The following FXR1 variants were observed in gnomAD, a reference collection of about 807,000 sequenced individuals.
FXR1 encodes the protein RNA-binding protein FXR1.
In FXR1, 15 loss-of-function variants were observed where a neutral mutation model predicts 84.0. That is an observed-to-expected ratio of 0.18 (90% CI 0.12 to 0.27). FXR1 has a LOEUF of 0.27. FXR1 is among the 10% of genes least tolerant of loss of function. FXR1 has a pLI of 1.00. For synonymous variants in FXR1, 245 were observed against 250.7 expected, an observed-to-expected ratio of 0.98 and a Z score of 0.21; for missense variants, 480 against 774.4, an observed-to-expected ratio of 0.62 and a Z score of 4.51.
intron 1 of FXR1, among the ~76,000 whole-genome samples, chr3:180,914,433 T>G (rs1453035487): frequency 6.6e-6 from 1 of 152,210 alleles, no homozygotes; most frequent in African/African-American, 2.4e-5. Flanking sequence ...AAGGGAGGTA[T>G]GCATTTTTTC....
chr3:180,967,950 A>T, intron 13 of FXR1, 101 bp from the exon 14 acceptor site: 1 of 740,982 alleles, frequency 1.3e-6, no homozygotes. Context: ...GCAGCCAAAC[A>T]GTATTGCTTA....
At position 180,948,833 on chromosome 3, in the gene FXR1, A is replaced by G. The variant is rs763188915; in HGVS notation, c.513+19A>G. On this transcript the variant is annotated intron_variant, in intron 6 of 16. Coordinates refer to ENST00000357559, the MANE Select transcript of FXR1 (RefSeq NM_005087.4). ...GATACTGGTAAGATAGTACCATATT[A>G]TAAGGTAGCTTATTAATGGATATTG... is the stretch of plus-strand genomic sequence containing the variant. 1 of 1,063,782 alleles carries G rather than the reference A, an allele frequency of 9.4e-7. No homozygotes were observed. The highest frequency in any genetic ancestry group is 1.3e-5 in the South Asian group (1 of 77,292). The allele number at this position is 1,063,782 out of a possible 1,614,324, so 65.9% of individuals were successfully genotyped here. A position where few individuals can be genotyped will look rare whatever the true frequency, so the allele number is the denominator to read the frequency against.
chr3:180,942,658 T>C (rs536541807), intron 3 of FXR1, among the ~76,000 whole-genome samples: 1 of 152,260 alleles, frequency 6.6e-6, no homozygotes, highest in African/African-American at 2.4e-5. Flanking sequence ...TTTAGGCTTC[T>C]CATCATGGTC....
chr3:180,914,001 G>A (rs1306119411), intron 1 of FXR1, among the ~76,000 whole-genome samples: 1 of 152,132 alleles, frequency 6.6e-6, no homozygotes, highest in African/African-American at 2.4e-5. Flanking sequence ...TGTGGATTTG[G>A]TTTAACTGTC....
At chr3:180,935,264 A>AT (rs773684027) in intron 3 of FXR1, 33 bp downstream of exon 3, 4 of 920,210 alleles carry the variant, frequency 4.3e-6, no homozygotes, top group Admixed American at 3.8e-5. Flanking sequence ...TCTTGTGTCT[A>AT]TTTTTTTGAT....
chr3:180,965,825 G>A (rs1712754262), intron 13 of FXR1, among the ~76,000 whole-genome samples: 2 of 152,150 alleles, frequency 1.3e-5, no homozygotes, highest in Admixed American at 6.5e-5. Context: ...CTCAATATCT[G>A]TTTTACCTGC....
At chr3:180,934,032 T>G (rs1282437144) in intron 2 of FXR1, among the ~76,000 whole-genome samples, 1 of 152,138 alleles carries the variant, frequency 6.6e-6, no homozygotes, top group Non-Finnish European at 1.5e-5. Context: ...GAGAATTGTT[T>G]GAACCCAGGA....
chr3:180,942,984 C>G (rs1171058632), intron 3 of FXR1, among the ~76,000 whole-genome samples: 5 of 151,980 alleles, frequency 3.3e-5, no homozygotes, highest in African/African-American at 1.2e-4. Flanking sequence ...TTCCTTCTTC[C>G]TAAGATGGAG....
intron 1 of FXR1, among the ~76,000 whole-genome samples, chr3:180,917,956 A>G (rs1192638025): frequency 6.6e-6 from 1 of 151,148 alleles, no homozygotes; most frequent in East Asian, 1.9e-4. Context: ...CCAAAAAAAA[A>G]AAAAAAAAAA....
intron 1 of FXR1, among the ~76,000 whole-genome samples, chr3:180,926,258 A>G (rs1297082371): frequency 1.1e-4 from 16 of 152,090 alleles, no homozygotes; most frequent in African/African-American, 3.4e-4. Flanking sequence ...GTGACAAACT[A>G]TGTAAGAATA....
At chr3:180,914,848 T>A (rs1717688988) in intron 1 of FXR1, 1 of 984,574 alleles carries the variant, frequency 1.0e-6, no homozygotes, top group African/African-American at 1.7e-5. Flanking sequence ...TGAAATCATG[T>A]ACGCTTGAAC....
At chr3:180,938,698 G>A (rs1014968290) in intron 3 of FXR1, among the ~76,000 whole-genome samples, 5 of 151,710 alleles carry the variant, frequency 3.3e-5, no homozygotes, top group South Asian at 2.1e-4. Context: ...ACAGGCATGC[G>A]CCATCATACC....
intron 1 of FXR1, chr3:180,914,951 G>A: frequency 1.0e-5 from 10 of 984,190 alleles, no homozygotes; most frequent in Non-Finnish European, 1.1e-5. Context: ...GAATGGCGGA[G>A]TGGAAAAGAG....
At chr3:180,924,424 A>G (rs1344432792) in intron 1 of FXR1, among the ~76,000 whole-genome samples, 2 of 152,194 alleles carry the variant, frequency 1.3e-5, no homozygotes, top group East Asian at 3.8e-4. Context: ...TGGTTAAAAA[A>G]GATTGTTTGC....
chr3:180,937,272 T>C (rs1490629967), intron 3 of FXR1, among the ~76,000 whole-genome samples: 5 of 152,168 alleles, frequency 3.3e-5, no homozygotes, highest in Admixed American at 2.6e-4. Flanking sequence ...TTGAGAGTAA[T>C]GCTTCTTACA....
intron 1 of FXR1, among the ~76,000 whole-genome samples, chr3:180,928,694 T>G (rs1388957947): frequency 6.6e-6 from 1 of 152,206 alleles, no homozygotes; most frequent in Non-Finnish European, 1.5e-5. Context: ...AGAATTTTTT[T>G]GTATAAAATT....
At chr3:180,964,404 T>G (rs1712528720) in intron 13 of FXR1, among the ~76,000 whole-genome samples, 1 of 152,094 alleles carries the variant, frequency 6.6e-6, no homozygotes, top group Admixed American at 6.6e-5. Flanking sequence ...TTGTGGGAAG[T>G]CGGCTTATTG....
chr3:180,949,234 G>A lies in FXR1; in HGVS notation c.521G>A (p.Ser174Asn), dbSNP rs550199361. 7.7e-6 allele frequency: 12 copies of A among 1,552,104 alleles called. No individual in the cohort carries two copies. Among genetic ancestry groups the A allele is most frequent in the African/African-American group, 5.4e-5 (4 of 73,814 alleles). Reference sequence around the variant, plus strand: ...TAGCTTGTTTGTTTATAGTCTGCCAGTGAAGCAACTGTGAAGAGAGTAAAC... The same window carrying A: ...TAGCTTGTTTGTTTATAGTCTGCCAATGAAGCAACTGTGAAGAGAGTAAAC... Reference protein sequence around the residue: ...ETTQLMILSASEATVKRVNIL... With the variant: ...ETTQLMILSANEATVKRVNIL... Residue 174 changes from serine to asparagine, a missense_variant, in exon 7 of 17, where the codon AGT becomes AAT. By Grantham distance (46) the Ser-to-Asn change is conservative. This residue lies in a region of FXR1 where 136 missense variants were observed against 315.4 expected (regional missense o/e 0.43). Coordinates refer to ENST00000357559, the MANE Select transcript of FXR1 (RefSeq NM_005087.4).
Position 180,951,291 on chromosome 3 carries a change from T to G in FXR1, c.631-7T>G, listed in dbSNP as rs1722213318. 1 of 1,554,988 alleles carries G rather than the reference T, an allele frequency of 6.4e-7. No individual in the cohort carries two copies. Among genetic ancestry groups the G allele is most frequent in the South Asian group, 1.2e-5 (1 of 86,608 alleles). ...CTTTTATATTACTAATTTTCCTTTT[T>G]TATTAGTGCACAAAACAACTTGCAG... On this transcript the variant is annotated splice_polypyrimidine_tract_variant and splice_region_variant and intron_variant, in intron 7 of 16. Coordinates refer to ENST00000357559, the MANE Select transcript of FXR1 (RefSeq NM_005087.4).
Sources: allele counts gnomAD v4.1 joint callset (sites outside exome capture counted in the v4.1 genomes callset), GRCh38; gene constraint gnomAD v4.1.1; regional missense constraint gnomAD v4.1.1; transcripts MANE v1.5; gene names NCBI Gene and HGNC (gene_info 2026-07-23, HGNC 2026-07-21).